Variants in AKAP11 observed in about 807,000 individuals in gnomAD.
AKAP11 encodes the protein A-kinase anchor protein 11.
Under a neutral mutation model 146.1 loss-of-function variants are expected in AKAP11, and 36 were observed. That is an observed-to-expected ratio of 0.25 (90% CI 0.19 to 0.33). The LOEUF is 0.33. Ranked by LOEUF, AKAP11 falls within the 10% of genes least tolerant of loss-of-function variation. The pLI is 1.00. For synonymous variants in AKAP11, 780 were observed against 786.5 expected (o/e 0.99, Z 0.14); for missense variants, 2,201 against 2,197.0 (o/e 1.00, Z -0.04).
intron 9 of AKAP11, among the ~76,000 whole-genome samples, 165 bp downstream of exon 9, chr13:42,308,774 T>G (rs750602789): frequency 5.3e-5 from 8 of 152,230 alleles, no homozygotes; most frequent in African/African-American, 1.9e-4. Context: ...TTAACACTTA[T>G]TTAATACAGT....
At chr13:42,316,853 C>T (rs1263214785) in intron 11 of AKAP11, among the ~76,000 whole-genome samples, 3 of 152,138 alleles carry the variant, frequency 2.0e-5, no homozygotes, top group African/African-American at 7.2e-5. Flanking sequence ...TGTTGCTGCT[C>T]TTCTTTATTT....
rs118050569 is a variant in AKAP11 at position 42,273,592 on chromosome 13, C to G, written c.-100+1364C>G. ...TGTACCCACATAACTGCAGTATCGA[C>G]AATATTGATAAGGGCCTAGCAGTGG... On this transcript the variant is annotated intron_variant, in intron 1 of 12. Transcript: ENST00000025301. Among the ~76,000 whole-genome samples the G allele has an allele frequency of 4.4e-3, 675 of 152,180 alleles. 15 individuals carry two copies. The East Asian group carries it at 0.047, about 11-fold the overall frequency.
intron 1 of AKAP11, among the ~76,000 whole-genome samples, chr13:42,275,134 C>T (rs1300723627): frequency 6.6e-6 from 1 of 152,226 alleles, no homozygotes; most frequent in Non-Finnish European, 1.5e-5. Flanking sequence ...AGAAAGTCTT[C>T]AGGCAGTTAC....
At chr13:42,279,306 C>T (rs1049215323) in intron 1 of AKAP11, among the ~76,000 whole-genome samples, 3 of 151,960 alleles carry the variant, frequency 2.0e-5, no homozygotes, top group Non-Finnish European at 2.9e-5. Flanking sequence ...CTCACTCACT[C>T]GCTTACTCAC....
At chr13:42,315,839 C>G (rs1410793973) in intron 11 of AKAP11, among the ~76,000 whole-genome samples, 1 of 152,076 alleles carries the variant, frequency 6.6e-6, no homozygotes, top group Admixed American at 6.6e-5. Flanking sequence ...ATGGAAATCC[C>G]AAGGCAACAA....
chr13:42,276,476 G>A (rs1958921192), intron 1 of AKAP11, among the ~76,000 whole-genome samples: 1 of 152,062 alleles, frequency 6.6e-6, no homozygotes, highest in Non-Finnish European at 1.5e-5. Flanking sequence ...AAACTCCTGG[G>A]CTCAAGCCGT....
intron 8 of AKAP11, among the ~76,000 whole-genome samples, chr13:42,306,917 C>T (rs1236691818): frequency 6.6e-6 from 1 of 152,156 alleles, no homozygotes; most frequent in African/African-American, 2.4e-5. Context: ...AATTCCTGAG[C>T]TCAAGCAATC....
intron 1 of AKAP11, among the ~76,000 whole-genome samples, chr13:42,281,737 G>T (rs1959064202): frequency 6.6e-6 from 1 of 151,898 alleles, no homozygotes; most frequent in South Asian, 2.1e-4. Context: ...ATACACACAT[G>T]TAGTTATACA....
intron 8 of AKAP11, among the ~76,000 whole-genome samples, chr13:42,305,666 T>A (rs1566285106): frequency 6.6e-6 from 1 of 152,244 alleles, no homozygotes; most frequent in Non-Finnish European, 1.5e-5. Context: ...GCCTTTGTGC[T>A]ATAATGGCAG....
At chr13:42,299,270 A>G (rs1196539754) in intron 7 of AKAP11, 93 bp from the exon 8 acceptor site, 2 of 1,028,684 alleles carry the variant, frequency 1.9e-6, no homozygotes, top group Non-Finnish European at 2.8e-6. Context: ...CATAAATATT[A>G]TATGTTTAAA....
Position 42,301,875 on chromosome 13 carries a change from A to G in AKAP11, c.3129A>G (p.Gln1043=), listed in dbSNP as rs929416738. The part of the protein sequence containing the change: ...KSDLKESAKD[Q]PLKKHNLNST... ...ACTTGAAGGAATCTGCTAAGGATCA[A>G]CCACTGAAAAAGCATAACTTGAATA... is the stretch of plus-strand genomic sequence containing the variant. Residue 1043 remains glutamine, a synonymous_variant, in exon 8 of 13, where the codon CAA becomes CAG. Transcript: ENST00000025301. 6.2e-7 allele frequency: 1 copy of G among 1,614,054 alleles called. No individual in the cohort carries two copies. Among genetic ancestry groups the G allele is most frequent in the African/African-American group, 1.3e-5 (1 of 74,950 alleles).
chr13:42,307,278 A>G (rs1010160389), intron 8 of AKAP11, among the ~76,000 whole-genome samples: 1 of 152,208 alleles, frequency 6.6e-6, no homozygotes, highest in African/African-American at 2.4e-5. Flanking sequence ...TATTCTCAGG[A>G]TAGCACTAGG....
chr13:42,299,439 T>G lies in AKAP11; in HGVS notation c.693T>G (p.His231Gln), dbSNP rs754992157. Residue 231 changes from histidine to glutamine, a missense_variant, in exon 8 of 13, where the codon CAT (histidine) becomes CAG (glutamine). Transcript: ENST00000025301. ...TTACTGGTCATCATTTAGAAACCCA[T>G]GATTTAAAGATTCTCATTAGCTCTG... ...QTVTGHHLET[H>Q]DLKILISSGQ... 1 of 1,613,896 alleles carries G rather than the reference T, an allele frequency of 6.2e-7. No individual in the cohort carries two copies. The highest frequency in any genetic ancestry group is 1.1e-5 in the South Asian group (1 of 91,070).
At chr13:42,287,345 G>A (rs1039261594) in intron 3 of AKAP11, among the ~76,000 whole-genome samples, 2 of 151,760 alleles carry the variant, frequency 1.3e-5, no homozygotes, top group Non-Finnish European at 2.9e-5. Context: ...GTGCAGTGGC[G>A]TGATCTTGGC....
At chr13:42,311,903 T>C (rs1208134435) in intron 9 of AKAP11, among the ~76,000 whole-genome samples, 1 of 152,212 alleles carries the variant, frequency 6.6e-6, no homozygotes, top group Non-Finnish European at 1.5e-5. Context: ...TAACTTTTAC[T>C]CTCTAATACA....
intron 1 of AKAP11, among the ~76,000 whole-genome samples, chr13:42,273,208 G>A (rs1459880977): frequency 6.6e-6 from 1 of 151,994 alleles, no homozygotes; most frequent in Admixed American, 6.6e-5. Context: ...TTGTTATTTT[G>A]TTATGTCTGA....
intron 9 of AKAP11, among the ~76,000 whole-genome samples, chr13:42,310,750 T>C (rs1960518103): frequency 6.6e-6 from 1 of 151,918 alleles, no homozygotes; most frequent in South Asian, 2.1e-4. Flanking sequence ...TCCCAGCTAC[T>C]TGGGAGGCTA....
intron 5 of AKAP11, 34 bp downstream of exon 5, chr13:42,295,776 C>T (rs750134677): frequency 3.8e-6 from 6 of 1,592,348 alleles, no homozygotes; most frequent in Non-Finnish European, 5.1e-6. Context: ...ACTGAGTATT[C>T]TTGTCATGGA....
intron 1 of AKAP11, among the ~76,000 whole-genome samples, chr13:42,275,134 C>A (rs1300723627): frequency 2.6e-5 from 4 of 152,226 alleles, no homozygotes; most frequent in African/African-American, 4.8e-5. Context: ...AGAAAGTCTT[C>A]AGGCAGTTAC....
Sources: allele counts gnomAD v4.1 joint callset (sites outside exome capture counted in the v4.1 genomes callset), GRCh38; gene constraint gnomAD v4.1.1; transcripts MANE v1.5; gene names NCBI Gene and HGNC (gene_info 2026-07-23, HGNC 2026-07-21).